The following CNTN5 variants were observed in gnomAD, a reference collection of about 807,000 sequenced individuals.
CNTN5 encodes contactin-5.
A neutral mutation model predicts 129.1 loss-of-function variants in CNTN5; 77 were observed. The ratio of observed to expected loss-of-function variants is 0.60; its 90% confidence interval spans 0.50 to 0.72. CNTN5 has a LOEUF of 0.72. Among genes scored for constraint, CNTN5 ranks in the 30% least tolerant of loss-of-function variants. The pLI is 0.00. For missense variants in CNTN5, 1,478 were observed against 1,328.8 expected (o/e 1.11, Z -1.75); for synonymous variants, 509 against 465.6 (o/e 1.09, Z -1.20).
In CNTN5 at chr11:99,928,207, C is replaced by T. The variant is rs149128902; in HGVS notation, c.673+12058C>T. 4.2e-3 allele frequency among the ~76,000 whole-genome samples: 634 copies of T among 152,322 alleles called. 5 individuals are homozygous for T. The highest frequency in any genetic ancestry group is 0.015 in the African/African-American group (618 of 41,578). ...TTACAGATTTGCAGGGTACAGCCCCCTCTCAGCTGCCTTCATGGGCTGGCA... is the reference window on the plus strand; with the variant it reads ...TTACAGATTTGCAGGGTACAGCCCCTTCTCAGCTGCCTTCATGGGCTGGCA... On this transcript the variant is annotated intron_variant, in intron 7 of 24. Coordinates refer to ENST00000524871, the MANE Select transcript of CNTN5 (RefSeq NM_014361.4).
chr11:99,791,156 A>G (rs1209252194), intron 3 of CNTN5, among the ~76,000 whole-genome samples: 1 of 151,344 alleles, frequency 6.6e-6, no homozygotes, highest in Non-Finnish European at 1.5e-5. Flanking sequence ...AGTAGATCTC[A>G]TTTATAAATT....
At chr11:99,114,101 T>A (rs1247384731) in intron 1 of CNTN5, among the ~76,000 whole-genome samples, 2 of 152,184 alleles carry the variant, frequency 1.3e-5, no homozygotes, top group Non-Finnish European at 2.9e-5. Context: ...GGGATGATAC[T>A]AATTGACCTT....
chr11:99,905,936 CTGTT>C (rs1208108492), intron 6 of CNTN5, among the ~76,000 whole-genome samples: 1 of 152,092 alleles, frequency 6.6e-6, no homozygotes, highest in Non-Finnish European at 1.5e-5. Flanking sequence ...ATTTGGCTCT[CTGTT>C]TGTCTGTTAT....
At chr11:99,565,981 C>A (rs552223828) in intron 3 of CNTN5, among the ~76,000 whole-genome samples, 2 of 152,078 alleles carry the variant, frequency 1.3e-5, no homozygotes, top group Non-Finnish European at 2.9e-5. Flanking sequence ...ATAAGAGTAG[C>A]TTTATGAAGG....
chr11:99,543,920 AAAAAAC>A (rs1391073162), intron 2 of CNTN5, among the ~76,000 whole-genome samples: 1,353 of 6,194 alleles, frequency 0.22, 53 homozygotes, highest in South Asian at 0.33. Flanking sequence ...GTCTGTCTCA[AAAAAAC>A]AAAAAAAAAA....
At chr11:99,978,610 A>G (rs1213948776) in intron 8 of CNTN5, among the ~76,000 whole-genome samples, 1 of 152,222 alleles carries the variant, frequency 6.6e-6, no homozygotes, top group African/African-American at 2.4e-5. Flanking sequence ...CAGTAGAGTA[A>G]CATGCTGTGC....
chr11:100,274,596 C>T (rs544186137), intron 18 of CNTN5, among the ~76,000 whole-genome samples: 9 of 152,124 alleles, frequency 5.9e-5, no homozygotes, highest in Admixed American at 1.3e-4. Context: ...AGAAGACATA[C>T]ACGTGGCCAA....
intron 13 of CNTN5, among the ~76,000 whole-genome samples, chr11:100,104,534 T>C (rs79476658): frequency 0.011 from 1,745 of 152,280 alleles, 38 homozygotes; most frequent in African/African-American, 0.039. Context: ...ACTCTGCATA[T>C]ATCATCAAAT....
At chr11:99,610,622 G>T (rs186473149) in intron 3 of CNTN5, among the ~76,000 whole-genome samples, 1 of 152,252 alleles carries the variant, frequency 6.6e-6, no homozygotes, top group East Asian at 1.9e-4. Context: ...TAGTTTCAGT[G>T]CAGACGGGAA....
chr11:99,586,862 G>C (rs1176026266), intron 3 of CNTN5, among the ~76,000 whole-genome samples: 1 of 152,140 alleles, frequency 6.6e-6, no homozygotes, highest in African/African-American at 2.4e-5. Context: ...CCAAAATAAA[G>C]TAAAAAACTC....
At chr11:99,038,106 C>G (rs1441272436) in intron 1 of CNTN5, among the ~76,000 whole-genome samples, 1 of 151,758 alleles carries the variant, frequency 6.6e-6, no homozygotes. Context: ...GAACAATTAC[C>G]TTTAGTGAGG....
In CNTN5 at chr11:100,197,600, T is replaced by C. The variant is rs80278173; in HGVS notation, c.1884+3937T>C. On this transcript the variant is annotated intron_variant, in intron 15 of 24. Coordinates refer to ENST00000524871, the MANE Select transcript of CNTN5 (RefSeq NM_014361.4). The stretch of plus-strand genomic sequence containing the variant: ...CAGGATATCTGAATAGCATCTGAGC[T>C]ATTGAGCATTGCCATGTGGCCCCAG... Among the ~76,000 whole-genome samples, 800 of 152,098 alleles carry C rather than the reference T, an allele frequency of 5.3e-3. 7 individuals carry two copies. Among genetic ancestry groups the C allele is most frequent in the African/African-American group, 0.018 (739 of 41,536 alleles).
At chr11:99,371,123 G>GT (rs527809800) in intron 2 of CNTN5, among the ~76,000 whole-genome samples, 3 of 152,176 alleles carry the variant, frequency 2.0e-5, no homozygotes, top group East Asian at 3.9e-4. Flanking sequence ...GGAGATGCAT[G>GT]TTTTTTATAC....
chr11:99,120,440 G>C (rs1858257126), intron 1 of CNTN5: 1 of 152,196 alleles, frequency 6.6e-6, no homozygotes, highest in South Asian at 2.1e-4. Flanking sequence ...TGTGAATAAA[G>C]GGATGAGCCA....
intron 3 of CNTN5, among the ~76,000 whole-genome samples, chr11:99,674,471 G>A (rs1953186126): frequency 6.6e-6 from 1 of 151,958 alleles, no homozygotes; most frequent in East Asian, 1.9e-4. Flanking sequence ...ATCTATGTGG[G>A]CATTTCTTCT....
intron 3 of CNTN5, among the ~76,000 whole-genome samples, chr11:99,623,758 AAG>A (rs1951035162): frequency 1.3e-5 from 2 of 151,828 alleles, no homozygotes; most frequent in Non-Finnish European, 2.9e-5. Flanking sequence ...TAAAAAAAAA[AAG>A]ATAAAAGCTG....
At chr11:100,323,422 C>T (rs1951730554) in intron 21 of CNTN5, among the ~76,000 whole-genome samples, 1 of 152,218 alleles carries the variant, frequency 6.6e-6, no homozygotes, top group Admixed American at 6.5e-5. Context: ...CAAAATAAGC[C>T]ACAAACTCAC....
chr11:99,681,005 G>A (rs552763306), intron 3 of CNTN5, among the ~76,000 whole-genome samples: 2 of 152,098 alleles, frequency 1.3e-5, no homozygotes, highest in African/African-American at 4.8e-5. Flanking sequence ...AGTGACTTCA[G>A]TGGAAGAAGT....
Position 99,811,041 on chromosome 11 carries a change from C to T in CNTN5, c.56-8503C>T, listed in dbSNP as rs1207244126. Among the ~76,000 whole-genome samples, 7 of 152,094 alleles carry T rather than the reference C, an allele frequency of 4.6e-5. No individual in the cohort carries two copies. In the East Asian group the frequency reaches 1.3e-3, roughly 29 times the overall value. ...ATTTTTACACAAGAGCCTAAACAGA[C>T]ATTTAAAATCAAACTTCAAAAGTAG... On this transcript the variant is annotated intron_variant, in intron 3 of 24. Coordinates refer to ENST00000524871, the MANE Select transcript of CNTN5 (RefSeq NM_014361.4).
Sources: allele counts gnomAD v4.1 joint callset (sites outside exome capture counted in the v4.1 genomes callset), GRCh38; gene constraint gnomAD v4.1.1; transcripts MANE v1.5; gene names NCBI Gene and HGNC (gene_info 2026-07-23, HGNC 2026-07-21).